The following IGF2R variants were observed in gnomAD, a reference collection of about 807,000 sequenced individuals.
IGF2R encodes the protein insulin like growth factor 2 receptor, also known as cation-independent mannose-6-phosphate receptor.
A neutral mutation model predicts 270.6 loss-of-function variants in IGF2R; 91 were observed. The ratio of observed to expected loss-of-function variants is 0.34; its 90% CI spans 0.28 to 0.40. IGF2R has a LOEUF of 0.40. Among genes scored for constraint, IGF2R ranks in the 10% least tolerant of loss-of-function variants. The pLI, the probability that IGF2R is intolerant of heterozygous loss-of-function variation, is 1.00. For missense variants in IGF2R, 2,805 were observed against 3,188.3 expected (o/e 0.88, Z 2.90); for synonymous variants, 1,316 against 1,258.9 (o/e 1.05, Z -0.96).
At chr6:160,016,832 C>T (rs1220548302) in intron 4 of IGF2R, among the ~76,000 whole-genome samples, 1 of 152,228 alleles carries the variant, frequency 6.6e-6, no homozygotes, top group Non-Finnish European at 1.5e-5. Flanking sequence ...AACTATGCAA[C>T]ATACATTATA....
At chr6:159,986,228 A>G (rs1783881061) in intron 1 of IGF2R, among the ~76,000 whole-genome samples, 1 of 146,248 alleles carries the variant, frequency 6.8e-6, no homozygotes. Flanking sequence ...ATCCTGCTGC[A>G]GAACTTTTTT....
At chr6:160,055,467 G>A (rs1233237281) in intron 19 of IGF2R, among the ~76,000 whole-genome samples, 2 of 152,148 alleles carry the variant, frequency 1.3e-5, no homozygotes, top group African/African-American at 2.4e-5. Context: ...CTCTCCCAGG[G>A]GTTTGCAGTC....
Position 160,029,643 on chromosome 6 carries a change from G to A in IGF2R, c.870G>A (p.Ser290=), listed in dbSNP as rs1777649280. 9 of 1,612,174 alleles carry A rather than the reference G, an allele frequency of 5.6e-6. No homozygotes were observed. Among genetic ancestry groups the A allele is most frequent in the Non-Finnish European group, 7.6e-6 (9 of 1,178,258 alleles). ...TGACTATTACATTTGTTTGCCCGTCGGAGCGGAGAGAGGTAAGTGACTCGT... is the reference window on the plus strand; with the variant it reads ...TGACTATTACATTTGTTTGCCCGTCAGAGCGGAGAGAGGTAAGTGACTCGT... ...PAVTITFVCP[S]ERREGTIPKL... is the part of the protein sequence containing the mutation. The change falls in exon 7 of 48, where the codon TCG becomes TCA. Residue 290 remains serine (S), a synonymous_variant. Transcript: ENST00000356956.
chr6:160,014,557 T>A (rs760051123), intron 4 of IGF2R, among the ~76,000 whole-genome samples: 13 of 152,212 alleles, frequency 8.5e-5, no homozygotes, highest in Admixed American at 3.3e-4. Flanking sequence ...CCTCTAAGTG[T>A]CTTGGTGAAA....
rs1334186700 is a variant in IGF2R at position 160,015,371 on chromosome 6, C to G, written c.513+4586C>G. On this transcript the variant is annotated intron_variant, in intron 4 of 47. Coordinates refer to ENST00000356956, the MANE Select transcript of IGF2R (RefSeq NM_000876.4). ...AAATAAAACTTACAGGAATGTTTCA[C>G]ATAGTCATGGTTCACTTGGTGACCA... is the stretch of plus-strand genomic sequence containing the variant. Among the ~76,000 whole-genome samples, 9 of 152,310 alleles carry G rather than the reference C, an allele frequency of 5.9e-5. No individual in the cohort carries two copies. The East Asian group carries it at 1.7e-3, about 29-fold the overall frequency.
intron 41 of IGF2R, among the ~76,000 whole-genome samples, chr6:160,086,406 A>AT: frequency 6.6e-6 from 1 of 152,300 alleles, no homozygotes; most frequent in East Asian, 1.9e-4. Flanking sequence ...CGCTTAGGGA[A>AT]TGGACCCCTG....
rs1302432648 is a variant in IGF2R, at chr6:160,050,747, G to T, written c.2694+95G>T. On this transcript the variant is annotated intron_variant, in intron 19 of 47. Coordinates refer to ENST00000356956, the MANE Select transcript of IGF2R (RefSeq NM_000876.4). The surrounding 1 kb of genome is among the most constrained non-coding windows in gnomAD (Gnocchi z 4.0). ...CTTAACAGCAGCAGTCTTGGGGTGG[G>T]TGGCGGAGCTAGGCCAGTCTTAGTT... The T allele has an allele frequency of 1.7e-6, 2 of 1,153,564 alleles. No individual in the cohort carries two copies. Among genetic ancestry groups the T allele is most frequent in the Non-Finnish European group, 2.4e-6 (2 of 824,174 alleles). 71.5% of individuals were successfully genotyped at this position (1,153,564 alleles called of 1,614,324 possible). A position where few individuals can be genotyped will look rare whatever the true frequency, so the allele number is the denominator to read the frequency against.
In IGF2R at chr6:160,089,091, G is replaced by A; in HGVS notation, c.6321-16G>A. 1 of 1,609,778 alleles carries A rather than the reference G, an allele frequency of 6.2e-7. No homozygotes were observed. The highest frequency in any genetic ancestry group is 8.5e-7 in the Non-Finnish European group (1 of 1,176,824). On this transcript the variant is annotated splice_polypyrimidine_tract_variant and intron_variant, in intron 42 of 47. Transcript: ENST00000356956. ...GGCTGGGGAAGTGACTGTAGCCTGT[G>A]CTTCCCTCCTCCTAGGTTTGATATC...
At chr6:160,070,158 G>A (rs1295848412) in intron 31 of IGF2R, 100 bp downstream of exon 31, 4 of 1,166,110 alleles carry the variant, frequency 3.4e-6, no homozygotes, top group Admixed American at 2.0e-5. Flanking sequence ...TGGGATGCGA[G>A]TTCTAGAGCC....
chr6:159,995,620 A>G (rs1244961360), intron 2 of IGF2R, among the ~76,000 whole-genome samples: 1 of 152,116 alleles, frequency 6.6e-6, no homozygotes, highest in Non-Finnish European at 1.5e-5. Flanking sequence ...CTGCTGTTCA[A>G]GCTTTCAACT....
chr6:160,045,650 G>C, intron 13 of IGF2R, 95 bp from the exon 14 acceptor site: 4 of 1,479,100 alleles, frequency 2.7e-6, no homozygotes, highest in Admixed American at 3.3e-5. Flanking sequence ...ATTTCCCACT[G>C]TCCCTTCCAA....
At chr6:160,096,856 C>T (rs998203) in intron 45 of IGF2R, among the ~76,000 whole-genome samples, 67,906 of 151,930 alleles carry the variant, frequency 0.45, 15,823 homozygotes, top group East Asian at 0.66. Context: ...CCACCCCCAG[C>T]AGCAGTGCCA....
intron 17 of IGF2R, 53 bp downstream of exon 17, chr6:160,047,960 C>A: frequency 2.6e-6 from 3 of 1,167,852 alleles, no homozygotes; most frequent in East Asian, 2.3e-5. Flanking sequence ...GCTGAGGTTG[C>A]AAGTGTTGCT....
intron 19 of IGF2R, among the ~76,000 whole-genome samples, chr6:160,051,185 G>A (rs1778188371): frequency 6.6e-6 from 1 of 152,184 alleles, no homozygotes; most frequent in African/African-American, 2.4e-5. Context: ...ATTTCACAGG[G>A]GAGAGGGAGA....
intron 19 of IGF2R, among the ~76,000 whole-genome samples, chr6:160,055,141 T>C (rs915455455): frequency 2.0e-5 from 3 of 152,118 alleles, no homozygotes; most frequent in African/African-American, 7.2e-5. Flanking sequence ...GGCCGCCCAC[T>C]TCTTCTCTCA....
chr6:159,995,227 A>G (rs1784034710), intron 2 of IGF2R, among the ~76,000 whole-genome samples: 1 of 151,870 alleles, frequency 6.6e-6, no homozygotes, highest in Non-Finnish European at 1.5e-5. Context: ...TTGACTTAAA[A>G]GTCTCTTTTA....
Position 160,084,852 on chromosome 6 carries a change from C to A in IGF2R, c.6069-143C>A. ...CCCTTTTTTTTTTTAATTGGAAAAGCTATTTTAGTGCTACATTCAGTGATG... is the reference window on the plus strand; with the variant it reads ...CCCTTTTTTTTTTTAATTGGAAAAGATATTTTAGTGCTACATTCAGTGATG... On this transcript the variant is annotated intron_variant, in intron 40 of 47. Transcript: ENST00000356956. This position sits in a 1 kb window ranked among gnomAD's most constrained non-coding sequence, Gnocchi z 4.6. 1 of 738,468 alleles carries A rather than the reference C, an allele frequency of 1.4e-6. No individual in the cohort carries two copies. Among genetic ancestry groups the A allele is most frequent in the Non-Finnish European group, 2.2e-6 (1 of 461,404 alleles). The allele number at this position is 738,468 out of a possible 1,614,324, so 45.7% of individuals were successfully genotyped here. A position where few individuals can be genotyped will look rare whatever the true frequency, so the allele number is the denominator to read the frequency against.
intron 21 of IGF2R, 27 bp from the exon 22 acceptor site, chr6:160,058,878 TG>T (rs1778368765): frequency 6.3e-7 from 1 of 1,598,912 alleles, no homozygotes; most frequent in East Asian, 2.2e-5. Flanking sequence ...TAAATTTGTT[TG>T]TATGGCTCTT....
chr6:160,067,639 C>T (rs137933692), intron 29 of IGF2R, among the ~76,000 whole-genome samples: 2 of 152,292 alleles, frequency 1.3e-5, no homozygotes, highest in African/African-American at 2.4e-5. Context: ...TAGCTGCTCC[C>T]GTTCCTGCTC....
Sources: gnomAD v4.1 joint callset for allele counts (sites outside exome capture counted in the v4.1 genomes callset) on GRCh38, gnomAD v4.1.1 for gene constraint, Gnocchi (gnomAD v3.1) non-coding constraint, MANE v1.5 for transcripts, NCBI Gene and HGNC (gene_info 2026-07-23, HGNC 2026-07-21) for gene names.